The following BCKDHB variants were observed in gnomAD, a reference collection of about 807,000 sequenced individuals.
BCKDHB encodes the protein branched chain keto acid dehydrogenase E1 subunit beta.
Under a neutral mutation model 48.5 loss-of-function variants are expected in BCKDHB, and 41 were observed. The observed-to-expected ratio is 0.85, with a 90% confidence interval of 0.66 to 1.10. The LOEUF is 1.10. Ranked by LOEUF, BCKDHB falls within the 50% of genes least tolerant of loss-of-function variation. The pLI, the probability that BCKDHB is intolerant of heterozygous loss-of-function variation, is 0.00. For synonymous variants in BCKDHB, 201 were observed against 174.8 expected (o/e 1.15, Z -1.18); for missense variants, 496 against 494.2 (o/e 1.00, Z -0.03).
intron 6 of BCKDHB, among the ~76,000 whole-genome samples, chr6:80,174,361 C>A (rs1773053073): frequency 1.3e-5 from 2 of 152,100 alleles, no homozygotes; most frequent in African/African-American, 4.8e-5. Context: ...GTTAATTATG[C>A]AGTACTATCG....
chr6:80,376,502 G>T, the BCKDHB span, among the ~76,000 whole-genome samples: 19 of 152,152 alleles, frequency 1.2e-4, no homozygotes, highest in Non-Finnish European at 2.5e-4. Flanking sequence ...ACCTGCAATG[G>T]CAATCCACCT....
At chr6:80,409,524 G>A in the BCKDHB span, among the ~76,000 whole-genome samples, 1 of 136,840 alleles carries the variant, frequency 7.3e-6, no homozygotes, top group South Asian at 2.4e-4. Context: ...GAGTCTCTTT[G>A]TAGGTCTCTA....
At chr6:80,336,291 G>A (rs971380377) in intron 9 of BCKDHB, among the ~76,000 whole-genome samples, 1 of 151,666 alleles carries the variant, frequency 6.6e-6, no homozygotes, top group Non-Finnish European at 1.5e-5. Context: ...TTATTTCTAA[G>A]AATTTGTTAA....
the BCKDHB span, among the ~76,000 whole-genome samples, chr6:80,351,712 G>A: frequency 1.2e-4 from 17 of 144,110 alleles, no homozygotes; most frequent in Admixed American, 2.9e-4. Context: ...GTATGATCTC[G>A]GCTCACTTCA....
At chr6:80,401,206 A>C in the BCKDHB span, among the ~76,000 whole-genome samples, 6 of 151,908 alleles carry the variant, frequency 3.9e-5, no homozygotes, top group Non-Finnish European at 7.4e-5. Flanking sequence ...TGTACACCTG[A>C]AACTAATATA....
At chr6:80,118,521 A>AT (rs1275431231) in intron 1 of BCKDHB, among the ~76,000 whole-genome samples, 2 of 152,008 alleles carry the variant, frequency 1.3e-5, no homozygotes, top group South Asian at 4.2e-4. Context: ...TGGCAACTTC[A>AT]TTAAAAAAAA....
chr6:80,422,927 T>G, the BCKDHB span, among the ~76,000 whole-genome samples: 1 of 152,242 alleles, frequency 6.6e-6, no homozygotes, highest in East Asian at 1.9e-4. Flanking sequence ...AGTTAAGACT[T>G]TGGGGGACTG....
chr6:80,347,977 T>C (rs544385385), downstream of BCKDHB, among the ~76,000 whole-genome samples: 2 of 152,318 alleles, frequency 1.3e-5, no homozygotes, highest in East Asian at 1.9e-4. Flanking sequence ...AATGTCTGCT[T>C]CTTGTGACAA....
At position 80,151,505 on chromosome 6, in the gene BCKDHB, G is replaced by A. The variant is rs147113772; in HGVS notation, c.344-16173G>A. On this transcript the variant is annotated intron_variant, in intron 3 of 9. Transcript: ENST00000320393. ...GTATTGCATTTGGGACCGCCTGTAT[G>A]TGGGCCTTTAGTTAGTTCCAGTAGC... Among the ~76,000 whole-genome samples the A allele has an allele frequency of 1.6e-3, 242 of 151,376 alleles. 1 individual carries two copies. Among genetic ancestry groups the A allele is most frequent in the African/African-American group, 5.7e-3 (233 of 41,220 alleles).
At chr6:80,325,776 G>A (rs578131584) in intron 9 of BCKDHB, among the ~76,000 whole-genome samples, 3 of 152,194 alleles carry the variant, frequency 2.0e-5, no homozygotes, top group African/African-American at 7.2e-5. Flanking sequence ...AAACACATGA[G>A]CAAAAATCTC....
intron 9 of BCKDHB, among the ~76,000 whole-genome samples, chr6:80,315,073 G>A (rs1242372579): frequency 2.6e-5 from 4 of 152,142 alleles, no homozygotes; most frequent in Non-Finnish European, 5.9e-5. Context: ...AAGCCACTGG[G>A]TCTTATCTTG....
At chr6:80,415,461 T>A in the BCKDHB span, among the ~76,000 whole-genome samples, 3 of 152,180 alleles carry the variant, frequency 2.0e-5, no homozygotes, top group Non-Finnish European at 4.4e-5. Flanking sequence ...ACCTAATAAA[T>A]TCAGAGCTTT....
chr6:80,174,025 A>G (rs1773037570), intron 6 of BCKDHB, among the ~76,000 whole-genome samples: 1 of 152,154 alleles, frequency 6.6e-6, no homozygotes, highest in South Asian at 2.1e-4. Context: ...CTTTACATTC[A>G]TTTCAAAGAC....
chr6:80,205,026 T>C (rs1319994150), intron 8 of BCKDHB, among the ~76,000 whole-genome samples: 1 of 152,120 alleles, frequency 6.6e-6, no homozygotes, highest in African/African-American at 2.4e-5. Flanking sequence ...TGGGATGCTT[T>C]CATCCGGTTG....
At chr6:80,410,269 C>T in the BCKDHB span, among the ~76,000 whole-genome samples, 2 of 152,152 alleles carry the variant, frequency 1.3e-5, no homozygotes, top group Non-Finnish European at 2.9e-5. Flanking sequence ...ATCTTGAATA[C>T]TGGCCCCCAC....
intron 3 of BCKDHB, among the ~76,000 whole-genome samples, chr6:80,154,797 T>TTGAAATTTCAC (rs1344091940): frequency 6.6e-6 from 1 of 152,144 alleles, no homozygotes; most frequent in Non-Finnish European, 1.5e-5. Flanking sequence ...ATATAGTAAG[T>TTGAAATTTCAC]TTGAAATTTC....
chr6:80,353,498 G>A, the BCKDHB span, among the ~76,000 whole-genome samples: 5 of 151,890 alleles, frequency 3.3e-5, no homozygotes, highest in Admixed American at 1.3e-4. Context: ...TCCCATCAAT[G>A]TGTATAGGAT....
At chr6:80,463,102 C>T in the BCKDHB span, 1 of 152,144 alleles carries the variant, frequency 6.6e-6, no homozygotes, top group East Asian at 1.9e-4. Flanking sequence ...TTGCATGTTT[C>T]CCTAAATTAG....
intron 9 of BCKDHB, among the ~76,000 whole-genome samples, chr6:80,321,151 T>C (rs1258082519): frequency 2.0e-5 from 3 of 152,190 alleles, no homozygotes; most frequent in Non-Finnish European, 2.9e-5. Flanking sequence ...ATGCAGCTGT[T>C]GTCACTCTTG....
Sources: allele counts gnomAD v4.1 joint callset (sites outside exome capture counted in the v4.1 genomes callset), GRCh38; gene constraint gnomAD v4.1.1; transcripts MANE v1.5; gene names NCBI Gene and HGNC (gene_info 2026-07-23, HGNC 2026-07-21).